The following CADM2 variants were observed in gnomAD, a reference collection of about 807,000 sequenced individuals.
CADM2 encodes the protein immunoglobulin superfamily member 4D.
A neutral mutation model predicts 49.8 loss-of-function variants in CADM2; 12 were observed. The observed-to-expected ratio is 0.24, with a 90% CI of 0.15 to 0.39. The LOEUF (loss-of-function observed/expected upper bound fraction) is 0.39, where lower values mean the gene tolerates loss of function less well. Ranked by LOEUF, CADM2 falls within the 10% of genes least tolerant of loss-of-function variation. The pLI is 1.00. For missense variants in CADM2, 378 were observed against 492.3 expected (o/e 0.77, Z 2.20); for synonymous variants, 214 against 175.4 (o/e 1.22, Z -1.74).
chr3:85,398,143 C>T, intron 1 of CADM2, among the ~76,000 whole-genome samples: 1 of 152,150 alleles, frequency 6.6e-6, no homozygotes, highest in East Asian at 1.9e-4. Flanking sequence ...TCTCCTAATG[C>T]TTTCCCTCCC....
rs567870041 is a variant in CADM2, at chr3:85,648,856, G to A, written c.62-77666G>A. Among the ~76,000 whole-genome samples the A allele has an allele frequency of 1.6e-4, 25 of 151,986 alleles. No individual in the cohort carries two copies. In the South Asian group the frequency reaches 4.8e-3, roughly 29 times the overall value. On this transcript the variant is annotated intron_variant, in intron 1 of 9. Coordinates refer to ENST00000383699, the MANE Select transcript of CADM2 (RefSeq NM_001167675.2). Reference sequence around the variant, plus strand: ...AAATGAATCATCTGTCAAAATAGTCGTTTTGGTTTTTATATTTTTACTCAT... The same window carrying A: ...AAATGAATCATCTGTCAAAATAGTCATTTTGGTTTTTATATTTTTACTCAT...
chr3:85,657,647 G>C (rs981344330), intron 1 of CADM2, among the ~76,000 whole-genome samples: 3 of 148,310 alleles, frequency 2.0e-5, no homozygotes, highest in Non-Finnish European at 3.0e-5. Flanking sequence ...CATTTCTTTT[G>C]AGAGCAGTAT....
chr3:86,046,905 A>T (rs1736752031), intron 8 of CADM2, among the ~76,000 whole-genome samples: 1 of 152,026 alleles, frequency 6.6e-6, no homozygotes, highest in Non-Finnish European at 1.5e-5. Flanking sequence ...TCACAAAAAA[A>T]TTTCCTTATT....
chr3:85,332,239 T>G (rs1014279960), intron 1 of CADM2, among the ~76,000 whole-genome samples: 1 of 152,040 alleles, frequency 6.6e-6, no homozygotes, highest in Non-Finnish European at 1.5e-5. Context: ...GCAAGCTGAA[T>G]TTTTACTGTT....
At position 85,111,910 on chromosome 3, in the gene CADM2, C is replaced by T. The variant is rs186343870; in HGVS notation, c.61+152242C>T. On this transcript the variant is annotated intron_variant, in intron 1 of 9. Coordinates refer to ENST00000383699, the MANE Select transcript of CADM2 (RefSeq NM_001167675.2). The stretch of plus-strand genomic sequence containing the variant: ...ATAGTCATATAATGGTTTCTAATTT[C>T]GTTGTAGGATTCTGTACTCCAAATG... Among the ~76,000 whole-genome samples the T allele has an allele frequency of 6.3e-4, 96 of 151,806 alleles. No homozygotes were observed. In the East Asian group the frequency reaches 0.013, roughly 21 times the overall value.
At chr3:85,353,162 A>C (rs2031515294) in intron 1 of CADM2, among the ~76,000 whole-genome samples, 1 of 152,068 alleles carries the variant, frequency 6.6e-6, no homozygotes, top group Non-Finnish European at 1.5e-5. Context: ...ATTGAAGAGA[A>C]AAGGAATATG....
chr3:85,353,402 T>G (rs1348488092), intron 1 of CADM2, among the ~76,000 whole-genome samples: 1 of 152,144 alleles, frequency 6.6e-6, no homozygotes, highest in Non-Finnish European at 1.5e-5. Context: ...CCCCTTAAAA[T>G]TTATATTTCA....
chr3:85,603,012 C>A (rs547818965), intron 1 of CADM2, among the ~76,000 whole-genome samples: 1 of 151,878 alleles, frequency 6.6e-6, no homozygotes, highest in East Asian at 1.9e-4. Context: ...CCCCTATGTA[C>A]ACCAGGTTAT....
intron 5 of CADM2, among the ~76,000 whole-genome samples, chr3:85,902,226 T>C (rs570361413): frequency 6.6e-6 from 1 of 152,086 alleles, no homozygotes; most frequent in African/African-American, 2.4e-5. Flanking sequence ...TACATACTTA[T>C]AATTGTTATA....
chr3:85,151,568 A>T (rs2039923466), intron 1 of CADM2, among the ~76,000 whole-genome samples: 2 of 152,202 alleles, frequency 1.3e-5, no homozygotes, highest in Admixed American at 1.3e-4. Flanking sequence ...AGCCGATTAA[A>T]ATCAACCTTC....
At chr3:85,577,380 A>G (rs955280201) in intron 1 of CADM2, among the ~76,000 whole-genome samples, 2 of 152,120 alleles carry the variant, frequency 1.3e-5, no homozygotes, top group Non-Finnish European at 2.9e-5. Context: ...TTCTAGAGAG[A>G]GTAGGCTTAT....
intron 8 of CADM2, among the ~76,000 whole-genome samples, chr3:85,981,682 T>C (rs1727505667): frequency 1.3e-5 from 2 of 151,798 alleles, no homozygotes; most frequent in South Asian, 4.1e-4. Flanking sequence ...GCAAAGGATA[T>C]GATCTCATTC....
intron 8 of CADM2, among the ~76,000 whole-genome samples, chr3:85,978,611 A>G (rs994907152): frequency 6.6e-6 from 1 of 151,650 alleles, no homozygotes; most frequent in African/African-American, 2.4e-5. Context: ...GAGAAGCAAA[A>G]TAACAATAAT....
intron 1 of CADM2, among the ~76,000 whole-genome samples, chr3:85,003,189 G>C (rs1335399003): frequency 6.7e-6 from 1 of 149,914 alleles, no homozygotes; most frequent in Admixed American, 6.7e-5. Context: ...AAAAATAGTG[G>C]TCTATTTTTC....
intron 1 of CADM2, among the ~76,000 whole-genome samples, chr3:85,602,251 A>G (rs1009553209): frequency 2.0e-5 from 3 of 151,786 alleles, no homozygotes; most frequent in African/African-American, 7.2e-5. Flanking sequence ...GTGTTTGAGA[A>G]CTTAATTATC....
At chr3:85,921,334 A>G (rs1719081869) in intron 6 of CADM2, among the ~76,000 whole-genome samples, 1 of 151,976 alleles carries the variant, frequency 6.6e-6, no homozygotes. Flanking sequence ...ACACACACAG[A>G]CATACACACA....
intron 1 of CADM2, among the ~76,000 whole-genome samples, chr3:85,079,634 A>C (rs1218803818): frequency 1.3e-5 from 2 of 151,864 alleles, no homozygotes; most frequent in African/African-American, 2.4e-5. Context: ...AATGCAACAC[A>C]GTCATTATCC....
intron 1 of CADM2, among the ~76,000 whole-genome samples, chr3:85,261,607 T>C (rs2043015343): frequency 6.6e-6 from 1 of 152,152 alleles, no homozygotes; most frequent in Admixed American, 6.6e-5. Context: ...TTATTTTCTA[T>C]AAGATAGTAA....
At chr3:85,059,520 G>A (rs1300468045) in intron 1 of CADM2, among the ~76,000 whole-genome samples, 1 of 152,090 alleles carries the variant, frequency 6.6e-6, no homozygotes, top group East Asian at 1.9e-4. Flanking sequence ...ATACAGTCAT[G>A]TTGATATGGT....
Sources: gnomAD v4.1 joint callset for allele counts (sites outside exome capture counted in the v4.1 genomes callset) on GRCh38, gnomAD v4.1.1 for gene constraint, MANE v1.5 for transcripts, NCBI Gene and HGNC (gene_info 2026-07-23, HGNC 2026-07-21) for gene names.